The following HRH1 variants were observed in gnomAD, a reference collection of about 807,000 sequenced individuals.
The protein encoded by HRH1 is histamine H1 receptor.
A neutral mutation model predicts 10.3 loss-of-function variants in HRH1; 6 were observed. The observed-to-expected ratio is 0.58, with a 90% confidence interval of 0.32 to 1.15. The LOEUF is 1.15. Among genes scored for constraint, HRH1 ranks in the 50% most tolerant of loss-of-function variants. The probability of loss-of-function intolerance (pLI) is 0.05; values close to 1 mark genes in which losing one functional copy is unlikely to be tolerated. For missense variants in HRH1, 514 were observed against 615.3 expected, an observed-to-expected ratio of 0.84 and a Z score of 1.74; for synonymous variants, 242 against 236.7, an observed-to-expected ratio of 1.02 and a Z score of -0.21.
chr3:11,154,357 G>A (rs1256777633), upstream of HRH1, among the ~76,000 whole-genome samples: 1 of 151,558 alleles, frequency 6.6e-6, no homozygotes, highest in African/African-American at 2.4e-5. This position sits in a 1 kb window ranked among gnomAD's most constrained non-coding sequence, Gnocchi z 4.4. Flanking sequence ...GTGGAACCGG[G>A]TGCGGGGGCG....
intron 1 of HRH1, among the ~76,000 whole-genome samples, chr3:11,222,607 GAGA>G (rs1346410397): frequency 9.9e-5 from 15 of 152,236 alleles, no homozygotes; most frequent in African/African-American, 2.2e-4. Context: ...GATAGCCACT[GAGA>G]AGAAGAAGAT....
chr3:11,176,819 A>G (rs775425887), intron 1 of HRH1, among the ~76,000 whole-genome samples: 6 of 152,264 alleles, frequency 3.9e-5, no homozygotes, highest in Admixed American at 1.3e-4. Flanking sequence ...TAGGCTGAGC[A>G]TAGTGGCTCA....
At chr3:11,207,591 G>T (rs1043005904) in intron 1 of HRH1, among the ~76,000 whole-genome samples, 1 of 151,966 alleles carries the variant, frequency 6.6e-6, no homozygotes, top group African/African-American at 2.4e-5. Flanking sequence ...GAAAGAGGCC[G>T]ACCTGAACTG....
intron 1 of HRH1, among the ~76,000 whole-genome samples, chr3:11,254,464 T>A (rs1349754616): frequency 6.6e-6 from 1 of 152,214 alleles, no homozygotes; most frequent in Non-Finnish European, 1.5e-5. Flanking sequence ...CTCCAGGATG[T>A]CCTGACCACC....
At chr3:11,245,287 A>C (rs1043877713) in intron 1 of HRH1, among the ~76,000 whole-genome samples, 3 of 152,128 alleles carry the variant, frequency 2.0e-5, no homozygotes, top group Non-Finnish European at 4.4e-5. Flanking sequence ...CGGGAGGCAG[A>C]GGTTGCAGGG....
At chr3:11,227,985 C>T (rs999852294) in intron 1 of HRH1, among the ~76,000 whole-genome samples, 7 of 152,196 alleles carry the variant, frequency 4.6e-5, no homozygotes, top group African/African-American at 1.7e-4. Flanking sequence ...TCTCTAGTGG[C>T]TTGGCCTAGC....
rs71055857 is a variant in HRH1, at chr3:11,250,208, ATTTT to A, written c.-35-8774_-35-8771del. Among the ~76,000 whole-genome samples the A allele has an allele frequency of 6.5e-5, 7 of 106,890 alleles. No homozygotes were observed. In the East Asian group the frequency reaches 1.1e-3, roughly 16 times the overall value. 70.1% of individuals were successfully genotyped at this position (106,890 alleles called of 152,430 possible). On this transcript the variant is annotated intron_variant, in intron 1 of 1. Coordinates refer to ENST00000431010, the MANE Select transcript of HRH1 (RefSeq NM_001098212.2). ...TAGGCGCCGCCACCACACCCGGCTAATTTTTTTTTTTTTTTTTTTTTTTTGTATT... is the reference window on the plus strand; with the variant it reads ...TAGGCGCCGCCACCACACCCGGCTAATTTTTTTTTTTTTTTTTTTTGTATT...
Position 11,219,995 on chromosome 3 carries a change from A to G in HRH1, c.-35-39008A>G, listed in dbSNP as rs566466177. 1.5e-4 allele frequency among the ~76,000 whole-genome samples: 22 copies of G among 149,692 alleles called. No homozygotes were observed. In the South Asian group the frequency reaches 4.4e-3, roughly 30 times the overall value. ...TACAATAAATTTTTCTGAAAAAGGA[A>G]GGAAGTATTGGCTACAAACAGAGTA... On this transcript the variant is annotated intron_variant, in intron 1 of 1. Coordinates refer to ENST00000431010, the MANE Select transcript of HRH1 (RefSeq NM_001098212.2).
chr3:11,255,107 G>A (rs183712707), intron 1 of HRH1, among the ~76,000 whole-genome samples: 2 of 152,244 alleles, frequency 1.3e-5, no homozygotes, highest in Admixed American at 1.3e-4. Context: ...GGATGTACAA[G>A]GAAGTTGGTC....
upstream of HRH1, among the ~76,000 whole-genome samples, chr3:11,149,505 G>A (rs1024639998): frequency 1.3e-5 from 2 of 152,216 alleles, no homozygotes; most frequent in African/African-American, 2.4e-5. Context: ...TAGAAGGCAC[G>A]AAAGAGCTAT....
At chr3:11,250,208 ATTTTTTTT>A (rs71055857) in intron 1 of HRH1, among the ~76,000 whole-genome samples, 18 of 106,890 alleles carry the variant, frequency 1.7e-4, no homozygotes, top group African/African-American at 3.4e-4. Flanking sequence ...CACCCGGCTA[ATTTTTTTT>A]TTTTTTTTTT....
intron 1 of HRH1, among the ~76,000 whole-genome samples, chr3:11,178,256 C>G (rs1937283481): frequency 6.6e-6 from 1 of 152,230 alleles, no homozygotes; most frequent in South Asian, 2.1e-4. Context: ...GGTTCTAGCT[C>G]ATCATCCTCT....
At chr3:11,140,350 C>A (rs568791345) in intron 1 of HRH1, among the ~76,000 whole-genome samples, 166 of 152,246 alleles carry the variant, frequency 1.1e-3, no homozygotes, top group African/African-American at 3.6e-3. Context: ...CCTCCTTAGG[C>A]GTGGCAGTTG....
rs553163896 is a variant in HRH1, at chr3:11,186,543, A to G, written c.-36+31989A>G. Among the ~76,000 whole-genome samples, 82 of 152,326 alleles carry G rather than the reference A, an allele frequency of 5.4e-4. 2 individuals carry two copies. In the South Asian group the frequency reaches 0.016, roughly 30 times the overall value. On this transcript the variant is annotated intron_variant, in intron 1 of 1. Transcript: ENST00000431010. ...CTCCCCTTGAGCCACTCACTGTTGC[A>G]TTTACTCACTGAATAAATGAAGAGG...
At chr3:11,184,320 A>G (rs1488309135) in intron 1 of HRH1, among the ~76,000 whole-genome samples, 1 of 152,196 alleles carries the variant, frequency 6.6e-6, no homozygotes, top group Non-Finnish European at 1.5e-5. Flanking sequence ...ATGAAGAAAT[A>G]GAGACACGGA....
chr3:11,153,076 T>A (rs965854261), upstream of HRH1, among the ~76,000 whole-genome samples: 1 of 152,126 alleles, frequency 6.6e-6, no homozygotes, highest in African/African-American at 2.4e-5. Flanking sequence ...CATGAAACTT[T>A]CCAACAGCCC....
chr3:11,236,370 G>A (rs956329854), intron 1 of HRH1, among the ~76,000 whole-genome samples: 1 of 152,180 alleles, frequency 6.6e-6, no homozygotes, highest in Non-Finnish European at 1.5e-5. Flanking sequence ...CGGAGGTTGC[G>A]GTGAGCTGAG....
chr3:11,233,401 A>G (rs1939093212), intron 1 of HRH1, among the ~76,000 whole-genome samples: 1 of 152,128 alleles, frequency 6.6e-6, no homozygotes, highest in Non-Finnish European at 1.5e-5. Context: ...TGAGTCCATC[A>G]ATTGGGTTCT....
intron 1 of HRH1, among the ~76,000 whole-genome samples, chr3:11,210,209 G>A (rs1230679428): frequency 6.6e-6 from 1 of 151,972 alleles, no homozygotes; most frequent in African/African-American, 2.4e-5. Context: ...TGGGCAACAT[G>A]GTGAAACCCT....
Sources: allele counts gnomAD v4.1 joint callset (sites outside exome capture counted in the v4.1 genomes callset), GRCh38; gene constraint gnomAD v4.1.1; non-coding constraint Gnocchi (gnomAD v3.1); transcripts MANE v1.5; gene names NCBI Gene and HGNC (gene_info 2026-07-23, HGNC 2026-07-21).